The following DCDC1 variants were observed in gnomAD, a reference collection of about 807,000 sequenced individuals.
DCDC1 encodes doublecortin domain-containing protein 1.
DCDC1 carries 200 observed loss-of-function variants against 178.3 expected under a neutral mutation model. The observed-to-expected ratio is 1.12, with a 90% CI of 1.00 to 1.26. The LOEUF is 1.26. Among genes scored for constraint, DCDC1 ranks in the 50% most tolerant of loss-of-function variants. The pLI, the probability that DCDC1 is intolerant of heterozygous loss-of-function variation, is 0.00. For missense variants in DCDC1, 1,983 were observed against 1,749.2 expected, an observed-to-expected ratio of 1.13 and a Z score of -2.38; for synonymous variants, 690 against 604.8, an observed-to-expected ratio of 1.14 and a Z score of -2.07.
At chr11:31,257,062 C>T (rs563739821) in intron 8 of DCDC1, among the ~76,000 whole-genome samples, 20 of 152,276 alleles carry the variant, frequency 1.3e-4, no homozygotes, top group African/African-American at 4.8e-4. Context: ...ACAATATTTG[C>T]TGCTTTTCTG....
chr11:31,141,372 T>C (rs191076730), intron 9 of DCDC1, among the ~76,000 whole-genome samples: 1 of 152,310 alleles, frequency 6.6e-6, no homozygotes, highest in Non-Finnish European at 1.5e-5. Context: ...TGGAAAAGCC[T>C]TTTAGTCCAA....
intron 14 of DCDC1, among the ~76,000 whole-genome samples, chr11:31,102,969 T>A (rs1198855933): frequency 1.3e-5 from 2 of 152,204 alleles, no homozygotes; most frequent in African/African-American, 4.8e-5. Flanking sequence ...TCTTTGTGCC[T>A]TGGTTTCTGT....
chr11:31,136,348 G>A (rs1963132945), intron 10 of DCDC1, among the ~76,000 whole-genome samples: 1 of 151,934 alleles, frequency 6.6e-6, no homozygotes, highest in East Asian at 1.9e-4. Flanking sequence ...TTTTAGAAAT[G>A]GTTTAATTTT....
At chr11:31,180,826 T>A (rs992995749) in intron 9 of DCDC1, among the ~76,000 whole-genome samples, 1 of 151,956 alleles carries the variant, frequency 6.6e-6, no homozygotes, top group Non-Finnish European at 1.5e-5. Flanking sequence ...TGTTTTTTTT[T>A]TCATACCCCA....
At chr11:31,100,653 A>G (rs145705873) in intron 15 of DCDC1, among the ~76,000 whole-genome samples, 75 of 152,324 alleles carry the variant, frequency 4.9e-4, no homozygotes, top group Non-Finnish European at 8.8e-4. Flanking sequence ...CTGGTGCACA[A>G]TTGATTAGCC....
At chr11:31,196,112 A>T (rs910096898) in intron 9 of DCDC1, among the ~76,000 whole-genome samples, 1 of 151,928 alleles carries the variant, frequency 6.6e-6, no homozygotes, top group African/African-American at 2.4e-5. Context: ...TTCCTGTTGG[A>T]TGAAAACTTC....
chr11:30,935,849 G>T (rs569243908), intron 21 of DCDC1, among the ~76,000 whole-genome samples: 1 of 152,298 alleles, frequency 6.6e-6, no homozygotes, highest in African/African-American at 2.4e-5. Flanking sequence ...ACTGTGCCTG[G>T]CCTCATGTTT....
intron 6 of DCDC1, among the ~76,000 whole-genome samples, chr11:31,301,256 C>A (rs933636463): frequency 3.9e-5 from 6 of 151,974 alleles, no homozygotes; most frequent in Admixed American, 6.6e-5. Context: ...AACAATCTAA[C>A]CTAATAAATA....
At chr11:31,342,176 G>T (rs1036949600) in intron 1 of DCDC1, among the ~76,000 whole-genome samples, 12 of 152,116 alleles carry the variant, frequency 7.9e-5, no homozygotes, top group African/African-American at 2.7e-4. Flanking sequence ...ATAATCTACA[G>T]GAGATGGGAA....
intron 20 of DCDC1, among the ~76,000 whole-genome samples, chr11:30,985,270 G>A (rs1403540953): frequency 6.6e-6 from 1 of 152,172 alleles, no homozygotes; most frequent in East Asian, 1.9e-4. Context: ...TGACTATCAT[G>A]TGTGAGCAGG....
At chr11:30,987,072 C>T (rs1020608229) in intron 20 of DCDC1, among the ~76,000 whole-genome samples, 4 of 151,996 alleles carry the variant, frequency 2.6e-5, no homozygotes, top group South Asian at 2.1e-4. Context: ...GCTGGAGTGC[C>T]GTAGCATAAT....
chr11:30,952,654 T>A (rs1225490163), intron 20 of DCDC1, 86 bp from the exon 21 acceptor site: 3 of 536,496 alleles, frequency 5.6e-6, no homozygotes, highest in Non-Finnish European at 9.2e-6. Context: ...GAGTACTTAC[T>A]ATACACTAGG....
intron 38 of DCDC1, among the ~76,000 whole-genome samples, chr11:30,877,819 G>A (rs1033788738): frequency 3.9e-5 from 6 of 152,104 alleles, no homozygotes; most frequent in South Asian, 2.1e-4. Flanking sequence ...GGAAAATATC[G>A]TGGCTGAGCC....
chr11:31,138,749 C>A (rs928247610), intron 9 of DCDC1, among the ~76,000 whole-genome samples: 1 of 152,046 alleles, frequency 6.6e-6, no homozygotes, highest in Non-Finnish European at 1.5e-5. Context: ...TAATCCAAAC[C>A]CTACCTGAAG....
chr11:31,035,539 A>G (rs1274022381), intron 20 of DCDC1, among the ~76,000 whole-genome samples: 1 of 152,194 alleles, frequency 6.6e-6, no homozygotes, highest in East Asian at 1.9e-4. Context: ...GATTTAGGGG[A>G]AGAGTACCAC....
At chr11:31,129,429 C>G (rs949930465) in intron 10 of DCDC1, among the ~76,000 whole-genome samples, 19 of 152,046 alleles carry the variant, frequency 1.2e-4, no homozygotes, top group African/African-American at 4.6e-4. Flanking sequence ...AAAAGGGTCA[C>G]ATAGTAAATA....
chr11:30,904,807 CT>C (rs1254034097), intron 31 of DCDC1, 153 bp downstream of exon 31: 2 of 840,920 alleles, frequency 2.4e-6, no homozygotes, highest in African/African-American at 3.4e-5. Context: ...AATAAAATGT[CT>C]TTAAGTAAAC....
chr11:31,296,838 T>C (rs1309979182), intron 6 of DCDC1, among the ~76,000 whole-genome samples: 1 of 111,490 alleles, frequency 9.0e-6, no homozygotes, highest in Non-Finnish European at 1.9e-5. Context: ...TCACTCACTA[T>C]CATGAAAACA....
intron 20 of DCDC1, among the ~76,000 whole-genome samples, chr11:31,048,474 G>C (rs1028751023): frequency 1.3e-5 from 2 of 152,134 alleles, no homozygotes; most frequent in African/African-American, 4.8e-5. Flanking sequence ...CGAACCCCTT[G>C]CCTCTAATTC....
Sources: gnomAD v4.1 joint callset for allele counts (sites outside exome capture counted in the v4.1 genomes callset) on GRCh38, gnomAD v4.1.1 for gene constraint, MANE v1.5 for transcripts, NCBI Gene and HGNC (gene_info 2026-07-23, HGNC 2026-07-21) for gene names.